Variants in ZFYVE26 observed in about 807,000 individuals in gnomAD.
ZFYVE26 encodes zinc finger FYVE domain-containing protein 26.
A neutral mutation model predicts 276.5 loss-of-function variants in ZFYVE26; 181 were observed. The ratio of observed to expected loss-of-function variants is 0.65; its 90% CI spans 0.58 to 0.74. The LOEUF (loss-of-function observed/expected upper bound fraction) is 0.74, where lower values mean the gene tolerates loss of function less well. ZFYVE26 is among the 30% of genes least tolerant of loss of function. The probability of loss-of-function intolerance (pLI) is 0.00; values close to 1 mark genes in which losing one functional copy is unlikely to be tolerated. For synonymous variants in ZFYVE26, 1,129 were observed against 1,203.1 expected (o/e 0.94, Z 1.27); for missense variants, 2,821 against 3,097.9 (o/e 0.91, Z 2.12).
At chr14:67,764,004 T>A (rs141270081) in intron 32 of ZFYVE26, among the ~76,000 whole-genome samples, 1 of 152,298 alleles carries the variant, frequency 6.6e-6, no homozygotes, top group East Asian at 1.9e-4. Context: ...AGCATCCTGG[T>A]CCTTCACTCT....
chr14:67,769,658 C>A lies in ZFYVE26; in HGVS notation c.5557G>T (p.Val1853Phe), dbSNP rs2039153411. 6.2e-7 allele frequency: 1 copy of A among 1,614,066 alleles called. No individual in the cohort carries two copies. The highest frequency in any genetic ancestry group is 8.5e-7 in the Non-Finnish European group (1 of 1,179,964). ...GCAGGGTTCTCTCTGCAGCCTTCAA[C>A]CACCATTTTCTTAGTGGAGCAGGAG... ...CSSCSTKKMVVEGCRENPARV... is the reference protein window; with the variant it reads ...CSSCSTKKMVFEGCRENPARV... Residue 1853 changes from valine (V) to phenylalanine (F), a missense_variant, in exon 29 of 42, where the codon GTT (valine) becomes TTT (phenylalanine). By Grantham distance (50) the Val-to-Phe change is conservative (BLOSUM62 -1). Coordinates refer to ENST00000347230, the MANE Select transcript of ZFYVE26 (RefSeq NM_015346.4).
intron 14 of ZFYVE26, among the ~76,000 whole-genome samples, chr14:67,790,981 A>G (rs375799221): frequency 8.5e-5 from 13 of 152,364 alleles, no homozygotes; most frequent in Middle Eastern, 3.4e-3. Flanking sequence ...CTCAGTAGAA[A>G]ATAGGCAAAA....
chr14:67,802,093 G>A lies in ZFYVE26; in HGVS notation c.1625C>T (p.Ser542Phe), dbSNP rs1309622494. ...AAGTGCTGTACCTGGGGAGGAGAGA[G>A]AGTCATTCGCTGGCTCTGTAGCTGA... is the stretch of plus-strand genomic sequence containing the variant. Reference protein sequence around the residue: ...LASATEPANDSLSSPGAANLF... With the variant: ...LASATEPANDFLSSPGAANLF... Residue 542 changes from serine (S) to phenylalanine (F), a missense_variant, in exon 10 of 42, where the codon TCT (serine) becomes TTT (phenylalanine). Transcript: ENST00000347230. The A allele has an allele frequency of 6.2e-7, 1 of 1,612,970 alleles. No homozygotes were observed. Among genetic ancestry groups the A allele is most frequent in the African/African-American group, 1.3e-5 (1 of 74,898 alleles).
In ZFYVE26 at chr14:67,767,952, C is replaced by A. The variant is rs2039102387; in HGVS notation, c.5654-112G>T. Reference sequence around the variant, plus strand: ...AGACACTTGCCTGCTATCTCAGGGCCCCTTTCTCTCTCCTTGGTTCCTTTT... The same window carrying A: ...AGACACTTGCCTGCTATCTCAGGGCACCTTTCTCTCTCCTTGGTTCCTTTT... On this transcript the variant is annotated intron_variant, in intron 30 of 41. Transcript: ENST00000347230. The A allele has an allele frequency of 5.5e-6, 8 of 1,442,708 alleles. No homozygotes were observed. The South Asian group carries it at 9.3e-5, about 17-fold the overall frequency. 89.4% of individuals were successfully genotyped at this position (1,442,708 alleles called of 1,614,324 possible).
At chr14:67,796,258 C>G (rs749130998) in intron 12 of ZFYVE26, 4 of 151,070 alleles carry the variant, frequency 2.6e-5, no homozygotes, top group Non-Finnish European at 5.9e-5. Context: ...ACTCTGTCAC[C>G]CAGGCTAGAG....
At position 67,789,482 on chromosome 14, in the gene ZFYVE26, C is replaced by G. The variant is rs1340442240; in HGVS notation, c.2872G>C (p.Ala958Pro). 1 of 1,614,212 alleles carries G rather than the reference C, an allele frequency of 6.2e-7. No homozygotes were observed. Among genetic ancestry groups the G allele is most frequent in the Non-Finnish European group, 8.5e-7 (1 of 1,180,056 alleles). The stretch of plus-strand genomic sequence containing the variant: ...TCTTCCAGAACCTCTCTCAGGGGAG[C>G]AGTGGGCTCCACTAGAGCCGTGCTT... ...WISTALVEPT[A>P]PLREVLEDLS... is the part of the protein sequence containing the mutation. Residue 958 changes from alanine (A) to proline (P), a missense_variant, in exon 16 of 42, where the codon GCT becomes CCT. Transcript: ENST00000347230.
chr14:67,785,912 A>T lies in ZFYVE26; in HGVS notation c.3250T>A (p.Ser1084Thr), dbSNP rs2039640588. Residue 1084 changes from serine to threonine, a missense_variant, in exon 18 of 42, where the codon TCC becomes ACC. Physicochemically the swap from Ser to Thr is moderately conservative, Grantham distance 58 (BLOSUM62 1). Coordinates refer to ENST00000347230, the MANE Select transcript of ZFYVE26 (RefSeq NM_015346.4). ...TGAAGGACCTGATCTAGCTGCTGGG[A>T]GAGGGTGGTGTGGCTGGCAACACAG... ...EDCVASHTTL[S>T]QQLDQVLQSL... The T allele has an allele frequency of 6.2e-6, 10 of 1,613,272 alleles. No homozygotes were observed. The East Asian group carries it at 1.3e-4, about 22-fold the overall frequency.
chr14:67,761,311 C>G lies in ZFYVE26; in HGVS notation c.6588+55G>C, dbSNP rs752326878. On this transcript the variant is annotated intron_variant, in intron 35 of 41. Transcript: ENST00000347230. ...ATTGTCCCGCTTAAGGCTGAGTGGT[C>G]CAAGCCAGAGGAGTAAGGCAGGCAC... 2.0e-6 allele frequency: 3 copies of G among 1,531,034 alleles called. No individual in the cohort carries two copies. In the East Asian group the frequency reaches 7.1e-5, roughly 36 times the overall value. The allele number at this position is 1,531,034 out of a possible 1,614,324, so 94.8% of individuals were successfully genotyped here.
chr14:67,808,061 T>A, intron 4 of ZFYVE26, 141 bp from the exon 5 acceptor site: 1 of 1,018,432 alleles, frequency 9.8e-7, no homozygotes, highest in Non-Finnish European at 1.4e-6. Context: ...TACTATGTGT[T>A]AGACATTGTT....
intron 1 of ZFYVE26, 111 bp downstream of exon 1, chr14:67,816,423 G>T (rs1353139505): frequency 6.3e-6 from 1 of 159,374 alleles, no homozygotes; most frequent in Admixed American, 5.9e-5. Flanking sequence ...TGACGACCAG[G>T]AGACGAATCT....
chr14:67,798,015 T>A lies in ZFYVE26; in HGVS notation c.2247A>T (p.Ser749=), dbSNP rs1566892721. The part of the protein sequence containing the change: ...RHKVVTSNHR[S]EEQPSRRYQP... Reference sequence around the variant, plus strand: ...CCACCAGTTCCACCCTTCTCTCACCTGAACGATGGTTGCTTGTCACCACCT... The same window carrying A: ...CCACCAGTTCCACCCTTCTCTCACCAGAACGATGGTTGCTTGTCACCACCT... The change falls in exon 11 of 42, where the codon TCA becomes TCT. Residue 749 remains serine, a splice_region_variant and synonymous_variant. Transcript: ENST00000347230. 1 of 1,614,152 alleles carries A rather than the reference T, an allele frequency of 6.2e-7. No homozygotes were observed.
At chr14:67,794,314 C>G (rs1321118033) in intron 12 of ZFYVE26, 75 bp from the exon 13 acceptor site, 3 of 1,380,642 alleles carry the variant, frequency 2.2e-6, no homozygotes, top group Non-Finnish European at 3.1e-6. Context: ...GTTGGCTTGA[C>G]AGCCAAGATC....
intron 30 of ZFYVE26, 90 bp from the exon 31 acceptor site, chr14:67,767,930 C>T: frequency 1.3e-6 from 2 of 1,556,516 alleles, no homozygotes; most frequent in South Asian, 1.1e-5. Context: ...TGCAGGTAGA[C>T]ACTTGCCTGC....
chr14:67,745,228 C>G (rs2038467378), downstream of ZFYVE26, among the ~76,000 whole-genome samples: 1 of 152,160 alleles, frequency 6.6e-6, no homozygotes, highest in South Asian at 2.1e-4. Context: ...AGTATCTGTT[C>G]ATATCCTTTG....
At chr14:67,791,231 T>C (rs1442795295) in intron 14 of ZFYVE26, among the ~76,000 whole-genome samples, 1 of 152,196 alleles carries the variant, frequency 6.6e-6, no homozygotes, top group East Asian at 1.9e-4. Flanking sequence ...CAGTAGTTTT[T>C]ATGAGGAACT....
Position 67,790,673 on chromosome 14 carries a change from T to G in ZFYVE26, c.2654A>C (p.His885Pro). Residue 885 changes from histidine (H) to proline (P), a missense_variant, in exon 15 of 42, where the codon CAC becomes CCC. Physicochemically the swap from His to Pro is moderately conservative, Grantham distance 77. Coordinates refer to ENST00000347230, the MANE Select transcript of ZFYVE26 (RefSeq NM_015346.4). ...EVIQELAQVE[H>P]KIENQNSDAG... The stretch of plus-strand genomic sequence containing the variant: ...ATCTGAGTTCTGGTTTTCAATCTTG[T>G]GCTCTACTTGGGCCAGTTCTTGGAT... 1 of 1,614,280 alleles carries G rather than the reference T, an allele frequency of 6.2e-7. No individual in the cohort carries two copies. The highest frequency in any genetic ancestry group is 8.5e-7 in the Non-Finnish European group (1 of 1,180,050).
In ZFYVE26 at chr14:67,748,750, G is replaced by A. The variant is rs1045374775; in HGVS notation, c.7417-111C>T. 6.8e-5 allele frequency: 71 copies of A among 1,039,718 alleles called. 1 individual carries two copies. The East Asian group carries it at 1.5e-3, about 21-fold the overall frequency. 64.4% of individuals were successfully genotyped at this position (1,039,718 alleles called of 1,614,324 possible). On this transcript the variant is annotated intron_variant, in intron 41 of 41. Transcript: ENST00000347230. Reference sequence around the variant, plus strand: ...ACAGACACCATGTCTCACCTGCCACGTTCATAACAGGATTCATGTATTTTA... The same window carrying A: ...ACAGACACCATGTCTCACCTGCCACATTCATAACAGGATTCATGTATTTTA...
chr14:67,732,805 T>G (rs2038300185), intron 13 of ZFYVE26, among the ~76,000 whole-genome samples: 1 of 152,186 alleles, frequency 6.6e-6, no homozygotes, highest in Admixed American at 6.5e-5. Context: ...GCTCTTGAAC[T>G]CCTGACCTCA....
intron 20 of ZFYVE26, among the ~76,000 whole-genome samples, chr14:67,783,727 C>A (rs957374983): frequency 3.3e-5 from 5 of 151,874 alleles, no homozygotes; most frequent in African/African-American, 1.2e-4. Context: ...CGAGATCTAT[C>A]CATATCCCTC....
Sources: gnomAD v4.1 joint callset for allele counts (sites outside exome capture counted in the v4.1 genomes callset) on GRCh38, gnomAD v4.1.1 for gene constraint, MANE v1.5 for transcripts, NCBI Gene and HGNC (gene_info 2026-07-23, HGNC 2026-07-21) for gene names.